CNTNAP2: variants seen among roughly 807,000 people sequenced by gnomAD.
The protein encoded by CNTNAP2 is contactin associated protein 2.
CNTNAP2 carries 98 observed loss-of-function variants against 155.2 expected under a neutral mutation model. That is an observed-to-expected ratio of 0.63 (90% CI 0.54 to 0.75). The LOEUF is 0.75. Ranked by LOEUF, CNTNAP2 falls within the 30% of genes least tolerant of loss-of-function variation. CNTNAP2 has a pLI of 0.00. For missense variants in CNTNAP2, 1,727 were observed against 1,688.1 expected, an observed-to-expected ratio of 1.02 and a Z score of -0.40; for synonymous variants, 651 against 631.2, an observed-to-expected ratio of 1.03 and a Z score of -0.47.
chr7:146,406,426 A>G (rs1795792802), intron 1 of CNTNAP2, among the ~76,000 whole-genome samples: 1 of 152,208 alleles, frequency 6.6e-6, no homozygotes, highest in Non-Finnish European at 1.5e-5. Flanking sequence ...AGGATTTTTG[A>G]ACATGATGCA....
Position 146,844,331 on chromosome 7 carries a change from A to G in CNTNAP2, c.402+4427A>G, listed in dbSNP as rs1803801580. 2.0e-5 allele frequency among the ~76,000 whole-genome samples: 3 copies of G among 152,238 alleles called. No homozygotes were observed. The South Asian group carries it at 6.2e-4, about 32-fold the overall frequency. ...AAACCTTCCATTCCTCTTTGATGAT[A>G]CTGAGCATAATAGAATTCTTTATAT... On this transcript the variant is annotated intron_variant, in intron 3 of 23. Coordinates refer to ENST00000361727, the MANE Select transcript of CNTNAP2 (RefSeq NM_014141.6).
At chr7:147,619,677 A>T (rs1441408745) in intron 12 of CNTNAP2, among the ~76,000 whole-genome samples, 1 of 152,172 alleles carries the variant, frequency 6.6e-6, no homozygotes. Context: ...GAACAGGTGG[A>T]GTTCTGAGGT....
chr7:146,224,895 A>T (rs1283322761), intron 1 of CNTNAP2, among the ~76,000 whole-genome samples: 2 of 152,188 alleles, frequency 1.3e-5, no homozygotes, highest in Non-Finnish European at 2.9e-5. Flanking sequence ...CTTCAAATTG[A>T]CTAGGCCTGT....
intron 19 of CNTNAP2, 114 bp downstream of exon 19, chr7:148,217,638 A>G: frequency 8.7e-7 from 1 of 1,149,452 alleles, no homozygotes; most frequent in Non-Finnish European, 1.3e-6. Flanking sequence ...GGCTTTTTTA[A>G]GCAAGTCACA....
At chr7:148,118,367 C>T in intron 16 of CNTNAP2, 79 bp downstream of exon 16, 1 of 1,455,764 alleles carries the variant, frequency 6.9e-7, no homozygotes, top group East Asian at 2.3e-5. Context: ...TTGTGGAAGG[C>T]CTTTTGATTC....
At chr7:147,453,258 A>C (rs577815284) in intron 10 of CNTNAP2, among the ~76,000 whole-genome samples, 8 of 152,154 alleles carry the variant, frequency 5.3e-5, no homozygotes, top group Non-Finnish European at 1.0e-4. Flanking sequence ...TTAAACATTC[A>C]AACAGTAGTG....
chr7:146,722,091 T>C (rs1801347026), intron 1 of CNTNAP2, among the ~76,000 whole-genome samples: 2 of 151,326 alleles, frequency 1.3e-5, no homozygotes, highest in Admixed American at 6.6e-5. Flanking sequence ...GTTTTCACCA[T>C]GTTGGCCAGG....
intron 8 of CNTNAP2, among the ~76,000 whole-genome samples, chr7:147,209,841 T>C (rs1359771003): frequency 6.6e-6 from 1 of 152,050 alleles, no homozygotes; most frequent in Non-Finnish European, 1.5e-5. Context: ...GTTGAGATGA[T>C]CACACACTTT....
rs566264452 is a variant in CNTNAP2, at chr7:146,816,391, A to G, written c.209-23320A>G. Among the ~76,000 whole-genome samples, 149 of 152,240 alleles carry G rather than the reference A, an allele frequency of 9.8e-4. 2 individuals are homozygous for G. Among genetic ancestry groups the G allele is most frequent in the Middle Eastern group, 6.8e-3 (2 of 294 alleles). ...TTCGGTGGAGAGAACTTTTCATTTC[A>G]AGAACAAGAGAAAAAGAGTAGAAGG... On this transcript the variant is annotated intron_variant, in intron 2 of 23. Coordinates refer to ENST00000361727, the MANE Select transcript of CNTNAP2 (RefSeq NM_014141.6).
intron 3 of CNTNAP2, among the ~76,000 whole-genome samples, chr7:147,023,637 G>T (rs1425401401): frequency 1.3e-5 from 2 of 152,072 alleles, no homozygotes; most frequent in Non-Finnish European, 2.9e-5. Context: ...ATGAACCAGA[G>T]AATTTATTCA....
At chr7:146,784,420 C>A (rs992084575) in intron 2 of CNTNAP2, among the ~76,000 whole-genome samples, 1 of 152,066 alleles carries the variant, frequency 6.6e-6, no homozygotes, top group African/African-American at 2.4e-5. Flanking sequence ...AGTTTAAACA[C>A]AATACTGAAA....
At chr7:146,605,852 A>G (rs1799038200) in intron 1 of CNTNAP2, among the ~76,000 whole-genome samples, 1 of 152,168 alleles carries the variant, frequency 6.6e-6, no homozygotes, top group South Asian at 2.1e-4. Context: ...TGAAAAGTCT[A>G]AAAGTGCTGA....
intron 1 of CNTNAP2, among the ~76,000 whole-genome samples, chr7:146,465,412 T>G (rs1212693748): frequency 6.6e-6 from 1 of 152,160 alleles, no homozygotes; most frequent in Non-Finnish European, 1.5e-5. Flanking sequence ...GTGGGTCTTG[T>G]TCTTCCTCCA....
intron 15 of CNTNAP2, among the ~76,000 whole-genome samples, chr7:148,027,227 C>A (rs995401775): frequency 6.6e-6 from 1 of 152,196 alleles, no homozygotes; most frequent in Non-Finnish European, 1.5e-5. Flanking sequence ...ATCCCTTTCT[C>A]CATAGGCCTA....
chr7:147,355,032 T>C (rs1796038992), intron 9 of CNTNAP2, among the ~76,000 whole-genome samples: 1 of 152,074 alleles, frequency 6.6e-6, no homozygotes, highest in South Asian at 2.1e-4. Context: ...AAGAAGTTTT[T>C]GGGCTGAGAC....
At chr7:148,380,201 A>G (rs1799022598) in intron 21 of CNTNAP2, among the ~76,000 whole-genome samples, 1 of 152,242 alleles carries the variant, frequency 6.6e-6, no homozygotes, top group African/African-American at 2.4e-5. Flanking sequence ...CTCCAGGCAG[A>G]ACGTTGTTTC....
At chr7:147,681,877 G>T (rs1345634935) in intron 13 of CNTNAP2, among the ~76,000 whole-genome samples, 1 of 151,750 alleles carries the variant, frequency 6.6e-6, no homozygotes. Flanking sequence ...GCTATCTGTG[G>T]TTTCAGCATC....
intron 15 of CNTNAP2, among the ~76,000 whole-genome samples, chr7:148,041,404 GA>G (rs1247934336): frequency 1.3e-5 from 2 of 152,188 alleles, no homozygotes; most frequent in African/African-American, 4.8e-5. Flanking sequence ...GCACCAACTT[GA>G]AAAACATGAA....
At chr7:147,943,691 A>C (rs1387051691) in intron 14 of CNTNAP2, among the ~76,000 whole-genome samples, 1 of 139,886 alleles carries the variant, frequency 7.1e-6, no homozygotes, top group Admixed American at 7.6e-5. Flanking sequence ...ATCGCCCAGG[A>C]GACAGAGGTT....
Sources: allele counts gnomAD v4.1 joint callset (sites outside exome capture counted in the v4.1 genomes callset), GRCh38; gene constraint gnomAD v4.1.1; transcripts MANE v1.5; gene names NCBI Gene and HGNC (gene_info 2026-07-23, HGNC 2026-07-21).